NOL11: variants seen among roughly 807,000 people sequenced by gnomAD.
The protein encoded by NOL11 is nucleolar protein 11.
Under a neutral mutation model 93.0 loss-of-function variants are expected in NOL11, and 42 were observed. The ratio of observed to expected loss-of-function variants is 0.45; its 90% confidence interval spans 0.35 to 0.58. NOL11 has a LOEUF of 0.58. NOL11 is among the 20% of genes least tolerant of loss of function. The pLI is 0.00. For synonymous variants in NOL11, 296 were observed against 293.7 expected (o/e 1.01, Z -0.08); for missense variants, 775 against 841.8 (o/e 0.92, Z 0.98).
At position 67,734,454 on chromosome 17, in the gene NOL11, T is replaced by G; in HGVS notation, c.930+15T>G. 1 of 1,485,668 alleles carries G rather than the reference T, an allele frequency of 6.7e-7. No individual in the cohort carries two copies. Among genetic ancestry groups the G allele is most frequent in the East Asian group, 2.3e-5 (1 of 44,230 alleles). The allele number at this position is 1,485,668 out of a possible 1,614,324, so 92.0% of individuals were successfully genotyped here. A position where few individuals can be genotyped will look rare whatever the true frequency, so the allele number is the denominator to read the frequency against. On this transcript the variant is annotated intron_variant, in intron 8 of 17. Coordinates refer to ENST00000253247, the MANE Select transcript of NOL11 (RefSeq NM_015462.5). ...CCAGTGGTCAAGTAAGTTTTTTCAC[T>G]TGAGTACTTTCTCTGATTTAGTTAT...
chr17:67,731,806 T>C (rs1225534526), intron 7 of NOL11, among the ~76,000 whole-genome samples: 2 of 152,210 alleles, frequency 1.3e-5, no homozygotes, highest in Admixed American at 6.5e-5. Context: ...GAAAAATCAG[T>C]TGGCCCTAGA....
chr17:67,737,372 T>C, intron 11 of NOL11, 136 bp from the exon 12 acceptor site: 1 of 760,130 alleles, frequency 1.3e-6, no homozygotes, highest in Admixed American at 2.9e-5. Context: ...CATTTAACTT[T>C]GCAGTGTCAG....
intron 7 of NOL11, among the ~76,000 whole-genome samples, chr17:67,728,527 C>T (rs548051556): frequency 2.6e-5 from 4 of 152,266 alleles, no homozygotes; most frequent in Admixed American, 2.6e-4. Context: ...TGCTTCTCCT[C>T]TCTCTTCTCC....
At chr17:67,732,604 T>G (rs1016651348) in intron 7 of NOL11, among the ~76,000 whole-genome samples, 1 of 152,032 alleles carries the variant, frequency 6.6e-6, no homozygotes, top group Non-Finnish European at 1.5e-5. Flanking sequence ...AGATGGAGTC[T>G]TACTCTGTTG....
intron 16 of NOL11, among the ~76,000 whole-genome samples, chr17:67,739,825 C>G (rs1418888165): frequency 6.6e-6 from 1 of 152,160 alleles, no homozygotes; most frequent in Non-Finnish European, 1.5e-5. Context: ...TTTAATTTAT[C>G]TTAAATTCCT....
At chr17:67,729,316 A>G (rs2055129256) in intron 7 of NOL11, among the ~76,000 whole-genome samples, 2 of 151,958 alleles carry the variant, frequency 1.3e-5, no homozygotes, top group African/African-American at 4.8e-5. Flanking sequence ...ACGGGGTTTC[A>G]CCATGTTGGT....
chr17:67,732,379 G>A (rs1476586548), intron 7 of NOL11, among the ~76,000 whole-genome samples: 4 of 151,406 alleles, frequency 2.6e-5, no homozygotes, highest in African/African-American at 4.8e-5. Context: ...CAGCTACTTG[G>A]GGGAGCAGGG....
At chr17:67,728,723 G>A (rs1361736150) in intron 7 of NOL11, among the ~76,000 whole-genome samples, 1 of 151,982 alleles carries the variant, frequency 6.6e-6, no homozygotes, top group East Asian at 1.9e-4. Flanking sequence ...ATACTGTTGT[G>A]TACCTTGTTT....
chr17:67,719,711 A>G lies in NOL11; in HGVS notation c.179A>G (p.Lys60Arg). 6.2e-7 allele frequency: 1 copy of G among 1,609,826 alleles called. No homozygotes were observed. The highest frequency in any genetic ancestry group is 8.5e-7 in the Non-Finnish European group (1 of 1,178,202). The change falls in exon 2 of 18, where the codon AAA (lysine) becomes AGA (arginine). Residue 60 changes from lysine to arginine, a missense_variant. By Grantham distance (26) the Lys-to-Arg change is conservative (BLOSUM62 2). Around this residue, in one of 2 missense-constraint regions of NOL11, gnomAD observed 359 missense variants for 316.5 expected, o/e 1.13. Coordinates refer to ENST00000253247, the MANE Select transcript of NOL11 (RefSeq NM_015462.5). The stretch of plus-strand genomic sequence containing the variant: ...AAACCCTTGGGGAGCTGGTCAGTGA[A>G]ACAAGGTCAAATTATAACATGTCCA... Reference protein sequence around the residue: ...DQKPLGSWSVKQGQIITCPAV... With the variant: ...DQKPLGSWSVRQGQIITCPAV...
At chr17:67,722,471 C>G in intron 4 of NOL11, 109 bp from the exon 5 acceptor site, 2 of 1,448,608 alleles carry the variant, frequency 1.4e-6, no homozygotes, top group Non-Finnish European at 1.8e-6. Context: ...TGATGTCTTT[C>G]TGGTTCTAAA....
intron 6 of NOL11, among the ~76,000 whole-genome samples, chr17:67,726,258 T>G (rs555618695): frequency 6.6e-6 from 1 of 152,344 alleles, no homozygotes; most frequent in South Asian, 2.1e-4. Context: ...CATTTCTTAC[T>G]GAGATTTTTA....
At chr17:67,718,125 T>C (rs372576775) in intron 1 of NOL11, 37 bp downstream of exon 1, 1 of 1,596,198 alleles carries the variant, frequency 6.3e-7, no homozygotes, top group Non-Finnish European at 8.6e-7. Flanking sequence ...CCGACTGCCT[T>C]CTCGCCCCTT....
rs139053726 is a variant in NOL11 at position 67,722,376 on chromosome 17, A to G, written c.462-204A>G. On this transcript the variant is annotated intron_variant, in intron 4 of 17. Transcript: ENST00000253247. The stretch of plus-strand genomic sequence containing the variant: ...TTCACATTATCATCTGGGGAGTTCA[A>G]TAACCTGCATTTAATCCAGAGCTGC... Among the ~76,000 whole-genome samples, 56 of 152,336 alleles carry G rather than the reference A, an allele frequency of 3.7e-4. No individual in the cohort carries two copies. In the East Asian group the frequency reaches 8.5e-3, roughly 23 times the overall value.
chr17:67,725,200 G>GGCAT (rs1168645527), intron 6 of NOL11, among the ~76,000 whole-genome samples: 1 of 152,152 alleles, frequency 6.6e-6, no homozygotes, highest in Non-Finnish European at 1.5e-5. Flanking sequence ...GTCTATGCTT[G>GGCAT]GCATTGAATG....
intron 6 of NOL11, among the ~76,000 whole-genome samples, chr17:67,724,754 TTA>T (rs1310907352): frequency 6.6e-6 from 1 of 152,226 alleles, no homozygotes; most frequent in Non-Finnish European, 1.5e-5. Flanking sequence ...TCTTTATATT[TTA>T]TGTCTTAAAA....
At position 67,734,432 on chromosome 17, in the gene NOL11, G is replaced by C. The variant is rs201381442; in HGVS notation, c.923G>C (p.Ser308Thr). The C allele has an allele frequency of 1.6e-4, 262 of 1,599,834 alleles. No homozygotes were observed. Among genetic ancestry groups the C allele is most frequent in the South Asian group, 5.6e-4 (51 of 90,572 alleles). Residue 308 changes from serine to threonine, a missense_variant, in exon 8 of 18, where the codon AGT becomes ACT. Ser to Thr is a moderately conservative substitution (Grantham distance 58). This residue lies in a region of NOL11 where 416 missense variants were observed against 525.2 expected (regional missense o/e 0.79). Transcript: ENST00000253247. Reference sequence around the variant, plus strand: ...TCAAAAGAGTTACCACAAGGGACCAGTGGTCAAGTAAGTTTTTTCACTTGA... The same window carrying C: ...TCAAAAGAGTTACCACAAGGGACCACTGGTCAAGTAAGTTTTTTCACTTGA... Reference protein sequence around the residue: ...QTSKELPQGTSGQLWYYGEHL... With the variant: ...QTSKELPQGTTGQLWYYGEHL...
At chr17:67,727,268 T>C (rs2055104784) in intron 7 of NOL11, among the ~76,000 whole-genome samples, 1 of 152,228 alleles carries the variant, frequency 6.6e-6, no homozygotes, top group African/African-American at 2.4e-5. Flanking sequence ...TTCTCCCAAA[T>C]TCTGAGCAAG....
intron 1 of NOL11, among the ~76,000 whole-genome samples, chr17:67,718,663 C>G (rs2043194267): frequency 6.6e-6 from 1 of 152,118 alleles, no homozygotes; most frequent in Non-Finnish European, 1.5e-5. Context: ...AAGCCCTGCC[C>G]CCATTTCAGC....
chr17:67,735,516 C>T (rs944977060), intron 8 of NOL11, among the ~76,000 whole-genome samples: 2 of 150,892 alleles, frequency 1.3e-5, no homozygotes, highest in Admixed American at 1.3e-4. Flanking sequence ...CTTATTTTTA[C>T]AATCATAAAA....
Sources: allele counts gnomAD v4.1 joint callset (sites outside exome capture counted in the v4.1 genomes callset), GRCh38; gene constraint gnomAD v4.1.1; regional missense constraint gnomAD v4.1.1; transcripts MANE v1.5; gene names NCBI Gene and HGNC (gene_info 2026-07-23, HGNC 2026-07-21).